AUTS2: variants seen among roughly 807,000 people sequenced by gnomAD.
The protein encoded by AUTS2 is activator of transcription and developmental regulator AUTS2.
In AUTS2, 17 loss-of-function variants were observed where a neutral mutation model predicts 112.4. The observed-to-expected ratio is 0.15, with a 90% confidence interval of 0.10 to 0.23. The LOEUF (loss-of-function observed/expected upper bound fraction) is 0.23, where lower values mean the gene tolerates loss of function less well. Among genes scored for constraint, AUTS2 ranks in the 10% least tolerant of loss-of-function variants. The probability of loss-of-function intolerance (pLI) is 1.00; values close to 1 mark genes in which losing one functional copy is unlikely to be tolerated. For synonymous variants in AUTS2, 751 were observed against 702.7 expected (o/e 1.07, Z -1.09); for missense variants, 1,510 against 1,701.6 (o/e 0.89, Z 1.98).
At chr7:69,924,873 A>G (rs13236841) in intron 2 of AUTS2, among the ~76,000 whole-genome samples, 37,322 of 152,108 alleles carry the variant, frequency 0.25, 4,559 homozygotes, top group Middle Eastern at 0.33. Context: ...CTTAAATGAT[A>G]GGTAGAATTT....
In AUTS2 at chr7:70,787,659, G is replaced by A. The variant is rs2293496; in HGVS notation, c.2531+228G>A. ...CTAGCGACAGATTCCTGTCTCAGTC[G>A]CAGTTATACATCAGCACGTCCCAAG... On this transcript the variant is annotated intron_variant, in intron 18 of 18. Transcript: ENST00000342771. Among the ~76,000 whole-genome samples the A allele has an allele frequency of 0.76, 114,993 of 152,022 alleles. 43,770 individuals carry two copies. Among genetic ancestry groups the A allele is most frequent in the Non-Finnish European group, 0.79 (54,002 of 67,996 alleles).
At chr7:70,175,553 G>A (rs1808941397) in intron 4 of AUTS2, among the ~76,000 whole-genome samples, 1 of 152,144 alleles carries the variant, frequency 6.6e-6, no homozygotes, top group African/African-American at 2.4e-5. Context: ...GTCAGTTGAT[G>A]GAGCAAACTT....
intron 2 of AUTS2, among the ~76,000 whole-genome samples, chr7:70,046,001 C>A (rs1470816945): frequency 7.9e-5 from 12 of 152,014 alleles, no homozygotes; most frequent in Admixed American, 7.9e-4. Context: ...GATGAGTACA[C>A]TCAGTAAAAC....
chr7:70,626,688 C>G (rs1411284286), intron 5 of AUTS2, among the ~76,000 whole-genome samples: 2 of 152,104 alleles, frequency 1.3e-5, no homozygotes, highest in African/African-American at 4.8e-5. Flanking sequence ...CTCATAGACC[C>G]CAATGTCTAT....
chr7:70,591,744 C>A (rs756298930), intron 5 of AUTS2, among the ~76,000 whole-genome samples: 22 of 152,184 alleles, frequency 1.4e-4, no homozygotes, highest in Non-Finnish European at 2.2e-4. Flanking sequence ...ATGCTCCCCC[C>A]ACCTGCAACA....
chr7:69,779,050 TA>T (rs1554368326), intron 1 of AUTS2, among the ~76,000 whole-genome samples: 1,816 of 86,566 alleles, frequency 0.021, 13 homozygotes, highest in African/African-American at 0.042. Flanking sequence ...TTTTTTTTTT[TA>T]AAAAAAAAAA....
At chr7:70,084,573 C>T (rs900871288) in intron 2 of AUTS2, among the ~76,000 whole-genome samples, 1 of 152,138 alleles carries the variant, frequency 6.6e-6, no homozygotes, top group African/African-American at 2.4e-5. Flanking sequence ...TTTTGCCATC[C>T]TAATAGGTAT....
At chr7:69,609,192 T>C (rs753334505) in intron 1 of AUTS2, among the ~76,000 whole-genome samples, 1 of 152,206 alleles carries the variant, frequency 6.6e-6, no homozygotes, top group African/African-American at 2.4e-5. Flanking sequence ...GTCTGCTTCT[T>C]GTAAGTTAGT....
intron 1 of AUTS2, among the ~76,000 whole-genome samples, chr7:69,799,792 C>T (rs141651829): frequency 2.0e-5 from 3 of 152,286 alleles, no homozygotes; most frequent in Admixed American, 6.5e-5. Context: ...TCCCCGCCCC[C>T]TCCTGGTGCT....
chr7:69,964,574 C>T (rs1240748155), intron 2 of AUTS2, among the ~76,000 whole-genome samples: 1 of 151,958 alleles, frequency 6.6e-6, no homozygotes, highest in East Asian at 1.9e-4. Flanking sequence ...TTTAAAGTCC[C>T]TCCCCAGGTA....
chr7:70,648,693 T>C (rs1378272511), intron 5 of AUTS2, among the ~76,000 whole-genome samples: 1 of 152,178 alleles, frequency 6.6e-6, no homozygotes, highest in Non-Finnish European at 1.5e-5. Context: ...GCAATTCTCC[T>C]GTCTCAGCCT....
At chr7:69,655,795 AC>A (rs1337113299) in intron 1 of AUTS2, among the ~76,000 whole-genome samples, 4 of 151,924 alleles carry the variant, frequency 2.6e-5, no homozygotes, top group Non-Finnish European at 4.4e-5. Context: ...CTTCCTGGGG[AC>A]CTGTTTAGGA....
intron 5 of AUTS2, among the ~76,000 whole-genome samples, chr7:70,460,054 G>C (rs1165576543): frequency 6.6e-6 from 1 of 152,166 alleles, no homozygotes; most frequent in Non-Finnish European, 1.5e-5. Context: ...ACAGCCCCGG[G>C]AGGTGGAGGC....
At chr7:69,746,502 T>C (rs1475698137) in intron 1 of AUTS2, among the ~76,000 whole-genome samples, 1 of 152,182 alleles carries the variant, frequency 6.6e-6, no homozygotes, top group Non-Finnish European at 1.5e-5. Context: ...AAGACCTCTC[T>C]AAGGTTACCT....
At chr7:70,208,642 C>T (rs1203172899) in intron 4 of AUTS2, among the ~76,000 whole-genome samples, 1 of 151,946 alleles carries the variant, frequency 6.6e-6, no homozygotes, top group Non-Finnish European at 1.5e-5. Flanking sequence ...ATAGATAACT[C>T]ATAAAGAAGG....
At chr7:70,139,461 A>C (rs1806740023) in intron 4 of AUTS2, among the ~76,000 whole-genome samples, 1 of 152,228 alleles carries the variant, frequency 6.6e-6, no homozygotes, top group Admixed American at 6.5e-5. Flanking sequence ...AAAAGACGTC[A>C]TTCTACTCAT....
At chr7:69,747,330 G>C (rs946942967) in intron 1 of AUTS2, among the ~76,000 whole-genome samples, 1 of 152,206 alleles carries the variant, frequency 6.6e-6, no homozygotes, top group African/African-American at 2.4e-5. Flanking sequence ...TGAACTCTGA[G>C]TCAAACTGCC....
At chr7:69,611,975 A>G (rs1288682320) in intron 1 of AUTS2, among the ~76,000 whole-genome samples, 1 of 146,128 alleles carries the variant, frequency 6.8e-6, no homozygotes, top group Non-Finnish European at 1.5e-5. Flanking sequence ...TTATTTTGGC[A>G]ATGTGGCTTT....
rs1035286799 is a variant in AUTS2 at position 70,694,656 on chromosome 7, T to G, written c.691-3913T>G. 62 of 146,706 alleles carry G rather than the reference T, an allele frequency of 4.2e-4. No homozygotes were observed. The highest frequency in any genetic ancestry group is 1.4e-3 in the African/African-American group (56 of 40,680). 9.1% of individuals were successfully genotyped at this position (146,706 alleles called of 1,614,324 possible). Reference sequence around the variant, plus strand: ...CCGCCGGCCGGCCCGGGACGCGCCTTGTTAGCCCCCGCCGCGCCAGCGCGG... The same window carrying G: ...CCGCCGGCCGGCCCGGGACGCGCCTGGTTAGCCCCCGCCGCGCCAGCGCGG... On this transcript the variant is annotated intron_variant, in intron 5 of 18. Coordinates refer to ENST00000342771, the MANE Select transcript of AUTS2 (RefSeq NM_015570.4). This position sits in a 1 kb window ranked among gnomAD's most constrained non-coding sequence, Gnocchi z 4.1.
Sources: allele counts gnomAD v4.1 joint callset (sites outside exome capture counted in the v4.1 genomes callset), GRCh38; gene constraint gnomAD v4.1.1; non-coding constraint Gnocchi (gnomAD v3.1); transcripts MANE v1.5; gene names NCBI Gene and HGNC (gene_info 2026-07-23, HGNC 2026-07-21).